The following IQSEC1 variants were observed in gnomAD, a reference collection of about 807,000 sequenced individuals.
IQSEC1 encodes IQ motif and SEC7 domain-containing protein 1.
In IQSEC1, 31 loss-of-function variants were observed where a neutral mutation model predicts 91.0. The observed-to-expected ratio is 0.34, with a 90% CI of 0.26 to 0.46. IQSEC1 has a LOEUF of 0.46. Among genes scored for constraint, IQSEC1 ranks in the 20% least tolerant of loss-of-function variants. The probability of loss-of-function intolerance (pLI) is 1.00; values close to 1 mark genes in which losing one functional copy is unlikely to be tolerated. For missense variants in IQSEC1, 1,388 were observed against 1,575.6 expected, an observed-to-expected ratio of 0.88 and a Z score of 2.02; for synonymous variants, 699 against 662.6, an observed-to-expected ratio of 1.05 and a Z score of -0.84.
At chr3:13,177,021 T>A (rs73132643) in intron 1 of IQSEC1, among the ~76,000 whole-genome samples, 4,323 of 152,136 alleles carry the variant, frequency 0.028, 218 homozygotes, top group African/African-American at 0.091. Flanking sequence ...AGACAGGCAG[T>A]GGATTAGTGG....
At chr3:13,019,294 C>T (rs1347641582) in intron 1 of IQSEC1, among the ~76,000 whole-genome samples, 2 of 152,262 alleles carry the variant, frequency 1.3e-5, no homozygotes, top group African/African-American at 4.8e-5. Context: ...GGTCGCCAAA[C>T]CCCTGGGCAG....
At chr3:13,007,759 G>T (rs988645715) in intron 1 of IQSEC1, among the ~76,000 whole-genome samples, 2 of 152,190 alleles carry the variant, frequency 1.3e-5, no homozygotes, top group Non-Finnish European at 2.9e-5. Context: ...CTATCTCTGC[G>T]GTTTCTGTGC....
intron 2 of IQSEC1, among the ~76,000 whole-genome samples, chr3:13,114,042 C>G (rs946425040): frequency 1.3e-5 from 2 of 152,234 alleles, no homozygotes; most frequent in Non-Finnish European, 2.9e-5. Context: ...GTAGGCTTAG[C>G]GTGTGCACAC....
At chr3:13,164,557 C>G (rs766555593) in intron 1 of IQSEC1, among the ~76,000 whole-genome samples, 2 of 152,168 alleles carry the variant, frequency 1.3e-5, no homozygotes, top group Non-Finnish European at 2.9e-5. Context: ...CTCACTGCAT[C>G]CCCTACTTGG....
chr3:13,159,467 T>C (rs1010082492), intron 2 of IQSEC1, among the ~76,000 whole-genome samples: 7 of 152,120 alleles, frequency 4.6e-5, no homozygotes, highest in African/African-American at 1.7e-4. Context: ...CCAGACCTAC[T>C]GAGTGAGGCA....
At chr3:13,098,981 T>C (rs567303670) in intron 2 of IQSEC1, among the ~76,000 whole-genome samples, 1 of 152,236 alleles carries the variant, frequency 6.6e-6, no homozygotes, top group African/African-American at 2.4e-5. Context: ...AGAATAACTT[T>C]GTCATATGTC....
intron 1 of IQSEC1, among the ~76,000 whole-genome samples, chr3:13,002,627 T>G (rs1186403545): frequency 6.7e-6 from 1 of 148,680 alleles, no homozygotes; most frequent in Non-Finnish European, 1.5e-5. Context: ...AGTATGCAAA[T>G]AACTCATGAC....
chr3:13,100,996 T>C (rs1222442258), intron 2 of IQSEC1, among the ~76,000 whole-genome samples: 1 of 125,110 alleles, frequency 8.0e-6, no homozygotes, highest in Non-Finnish European at 1.7e-5. Context: ...GCAAGAGTGC[T>C]CCAGACAGAG....
intron 1 of IQSEC1, among the ~76,000 whole-genome samples, chr3:13,217,916 C>A (rs1439352716): frequency 6.6e-6 from 1 of 152,204 alleles, no homozygotes; most frequent in Non-Finnish European, 1.5e-5. Flanking sequence ...TGGCACCAAA[C>A]TGAGCCACTG....
chr3:13,034,877 C>G (rs1033459067), intron 1 of IQSEC1, among the ~76,000 whole-genome samples: 1 of 152,246 alleles, frequency 6.6e-6, no homozygotes, highest in Non-Finnish European at 1.5e-5. Flanking sequence ...CAGCTCCTGT[C>G]CAGCACACAG....
intron 6 of IQSEC1, 133 bp from the exon 7 acceptor site, chr3:12,915,866 G>C: frequency 9.9e-7 from 1 of 1,006,544 alleles, no homozygotes; most frequent in Non-Finnish European, 1.5e-6. Flanking sequence ...CAGGCCCACA[G>C]CAACAGGACA....
At chr3:13,266,581 C>CTTT (rs113470359) in intron 1 of IQSEC1, among the ~76,000 whole-genome samples, 15 of 143,988 alleles carry the variant, frequency 1.0e-4, no homozygotes, top group African/African-American at 3.8e-4. Context: ...GAGGAAGCAG[C>CTTT]TTTTTTTTTT....
At chr3:13,169,735 C>T (rs1233173359) in intron 1 of IQSEC1, among the ~76,000 whole-genome samples, 5 of 152,212 alleles carry the variant, frequency 3.3e-5, no homozygotes, top group African/African-American at 4.8e-5. Context: ...TTTGCCTCTG[C>T]TCTAGAGATT....
In IQSEC1 at chr3:13,178,936, A is replaced by G. The variant is rs562808927; in HGVS notation, c.273-14803T>C. Among the ~76,000 whole-genome samples the G allele has an allele frequency of 1.2e-4, 18 of 152,340 alleles. No homozygotes were observed. In the South Asian group the frequency reaches 3.7e-3, roughly 32 times the overall value. On this transcript the variant is annotated intron_variant, in intron 1 of 15. Coordinates refer to the IQSEC1 transcript ENST00000648114. ...TCAGGAAACACCTTCGGTCATCCCA[A>G]AAAAGTATCAAAGAACTGAAATTCA...
intron 1 of IQSEC1, among the ~76,000 whole-genome samples, chr3:13,265,001 G>A (rs1170653678): frequency 1.3e-5 from 2 of 152,132 alleles, no homozygotes; most frequent in Non-Finnish European, 2.9e-5. Context: ...GAGGGCAGAA[G>A]GATAAGAAGG....
chr3:13,251,556 G>A (rs1192080723), intron 1 of IQSEC1, among the ~76,000 whole-genome samples: 1 of 152,188 alleles, frequency 6.6e-6, no homozygotes, highest in Non-Finnish European at 1.5e-5. Context: ...AAAACCTTGA[G>A]AAGAGGACCC....
chr3:13,264,504 T>C (rs1048396538), intron 1 of IQSEC1, among the ~76,000 whole-genome samples: 2 of 152,130 alleles, frequency 1.3e-5, no homozygotes, highest in African/African-American at 2.4e-5. Flanking sequence ...ATCTACAAAA[T>C]GTAGCATTTT....
chr3:13,220,824 C>T (rs1034764303), intron 1 of IQSEC1, among the ~76,000 whole-genome samples: 1 of 152,250 alleles, frequency 6.6e-6, no homozygotes, highest in Non-Finnish European at 1.5e-5. Context: ...GCCGGCCAAA[C>T]ACTCCTCACA....
intron 1 of IQSEC1, among the ~76,000 whole-genome samples, chr3:12,975,446 A>G (rs1296271164): frequency 6.6e-6 from 1 of 152,204 alleles, no homozygotes; most frequent in Non-Finnish European, 1.5e-5. Context: ...GGCACTTTAC[A>G]GAAGTGTCCA....
Sources: gnomAD v4.1 joint callset for allele counts (sites outside exome capture counted in the v4.1 genomes callset) on GRCh38, gnomAD v4.1.1 for gene constraint, MANE v1.5 for transcripts, NCBI Gene and HGNC (gene_info 2026-07-23, HGNC 2026-07-21) for gene names.